CSMD1: variants seen among roughly 807,000 people sequenced by gnomAD.
The protein encoded by CSMD1 is CUB and Sushi multiple domains 1.
A neutral mutation model predicts 417.5 loss-of-function variants in CSMD1; 213 were observed. The ratio of observed to expected loss-of-function variants is 0.51; its 90% CI spans 0.46 to 0.57. CSMD1 has a LOEUF of 0.57. Ranked by LOEUF, CSMD1 falls within the 20% of genes least tolerant of loss-of-function variation. The pLI, the probability that CSMD1 is intolerant of heterozygous loss-of-function variation, is 0.00. For missense variants in CSMD1, 6,923 were observed against 4,529.7 expected (o/e 1.53, Z -15.17); for synonymous variants, 2,862 against 1,736.8 (o/e 1.65, Z -16.11).
intron 1 of CSMD1, among the ~76,000 whole-genome samples, chr8:4,755,974 C>T (rs981276795): frequency 5.3e-5 from 8 of 152,154 alleles, no homozygotes; most frequent in African/African-American, 1.7e-4. Context: ...CAAAATCAAA[C>T]TATATGATGA....
intron 26 of CSMD1, among the ~76,000 whole-genome samples, chr8:3,260,335 G>A (rs1800962930): frequency 6.6e-6 from 1 of 152,090 alleles, no homozygotes; most frequent in Non-Finnish European, 1.5e-5. Context: ...CAGGATCAAT[G>A]GGAACCAGCA....
chr8:3,486,030 C>T (rs1364831426), intron 11 of CSMD1, among the ~76,000 whole-genome samples: 1 of 152,064 alleles, frequency 6.6e-6, no homozygotes, highest in African/African-American at 2.4e-5. Context: ...TCGAGTTCTC[C>T]TTGTCTTCAC....
chr8:4,048,063 A>C (rs1003875769), intron 3 of CSMD1, among the ~76,000 whole-genome samples: 1 of 152,120 alleles, frequency 6.6e-6, no homozygotes, highest in Admixed American at 6.6e-5. Flanking sequence ...TTCTTTTCCA[A>C]ATATTTTGTG....
At chr8:4,044,082 G>C (rs949217478) in intron 3 of CSMD1, among the ~76,000 whole-genome samples, 5 of 151,984 alleles carry the variant, frequency 3.3e-5, no homozygotes, top group African/African-American at 1.2e-4. Flanking sequence ...CTTGCCCATT[G>C]CTTGTCTCTG....
intron 52 of CSMD1, among the ~76,000 whole-genome samples, chr8:3,002,933 G>A (rs765484587): frequency 1.3e-5 from 2 of 152,088 alleles, no homozygotes; most frequent in African/African-American, 4.8e-5. Context: ...TTACCTCCTT[G>A]CCTGAAGAAA....
intron 5 of CSMD1, among the ~76,000 whole-genome samples, chr8:3,787,885 T>C (rs1799535130): frequency 6.6e-6 from 1 of 151,980 alleles, no homozygotes; most frequent in East Asian, 1.9e-4. Flanking sequence ...TATGAGAGAG[T>C]GTTACTCTAT....
At chr8:4,322,609 G>A (rs564950994) in intron 3 of CSMD1, among the ~76,000 whole-genome samples, 2 of 152,190 alleles carry the variant, frequency 1.3e-5, no homozygotes, top group Non-Finnish European at 2.9e-5. Context: ...TGTTGTAGAA[G>A]CAGAAAAATG....
rs1233922171 is a variant in CSMD1, at chr8:3,957,736, G to A, written c.818+40167C>T. Among the ~76,000 whole-genome samples, 7 of 149,054 alleles carry A rather than the reference G, an allele frequency of 4.7e-5. No homozygotes were observed. The East Asian group carries it at 1.0e-3, about 21-fold the overall frequency. On this transcript the variant is annotated intron_variant, in intron 5 of 69. Coordinates refer to ENST00000635120, the MANE Select transcript of CSMD1 (RefSeq NM_033225.6). ...AGAGAAAAGAAAAAGGAAAAGAAAT[G>A]TAGAAAAGAAAAAAGAAAAGTATGA...
intron 3 of CSMD1, among the ~76,000 whole-genome samples, chr8:4,137,934 G>C (rs962828574): frequency 6.6e-6 from 1 of 151,504 alleles, no homozygotes; most frequent in Non-Finnish European, 1.5e-5. Flanking sequence ...TTGGAGTGCA[G>C]TGGCGCAATC....
chr8:4,413,816 G>C (rs756879358), intron 3 of CSMD1, among the ~76,000 whole-genome samples: 7 of 152,238 alleles, frequency 4.6e-5, no homozygotes, highest in African/African-American at 9.6e-5. Context: ...AGATAACTAA[G>C]GTGAGGACCC....
At chr8:4,453,197 CCACACAGACACACACAGAGACA>C (rs1185989575) in intron 2 of CSMD1, among the ~76,000 whole-genome samples, 3 of 133,796 alleles carry the variant, frequency 2.2e-5, no homozygotes, top group African/African-American at 8.6e-5. Flanking sequence ...ACAGACACAC[CCACACAGACACACACAGAGACA>C]CACACACACA....
At chr8:3,719,992 A>C (rs908174357) in intron 6 of CSMD1, among the ~76,000 whole-genome samples, 4 of 152,238 alleles carry the variant, frequency 2.6e-5, no homozygotes, top group Non-Finnish European at 4.4e-5. Context: ...GGTGAAGATT[A>C]CATGACATGG....
chr8:4,822,147 A>C (rs1430114103), intron 1 of CSMD1, among the ~76,000 whole-genome samples: 2 of 151,972 alleles, frequency 1.3e-5, no homozygotes, highest in Non-Finnish European at 2.9e-5. Context: ...TAAATGTTAT[A>C]AGCCTCTGAA....
intron 12 of CSMD1, among the ~76,000 whole-genome samples, chr8:3,451,188 T>G (rs1363119580): frequency 6.6e-6 from 1 of 152,246 alleles, no homozygotes; most frequent in African/African-American, 2.4e-5. Flanking sequence ...TAAATTTGTT[T>G]GAGTTCATTG....
intron 3 of CSMD1, among the ~76,000 whole-genome samples, chr8:4,226,391 C>T (rs559526987): frequency 5.3e-5 from 8 of 152,254 alleles, no homozygotes; most frequent in African/African-American, 1.7e-4. Context: ...ACAACCCTCT[C>T]TGAAAAGATG....
At chr8:3,146,459 G>T (rs1277294927) in intron 40 of CSMD1, among the ~76,000 whole-genome samples, 1 of 151,930 alleles carries the variant, frequency 6.6e-6, no homozygotes, top group Non-Finnish European at 1.5e-5. Flanking sequence ...CTTCAAAATA[G>T]CCCTATGGGA....
chr8:3,794,211 T>C (rs555368833), intron 5 of CSMD1, among the ~76,000 whole-genome samples: 2 of 152,032 alleles, frequency 1.3e-5, no homozygotes, highest in East Asian at 3.9e-4. Flanking sequence ...AGGGGAGGGG[T>C]TTCCTTCTTG....
chr8:4,185,042 G>T (rs1278304412), intron 3 of CSMD1, among the ~76,000 whole-genome samples: 3 of 151,014 alleles, frequency 2.0e-5, no homozygotes, highest in Non-Finnish European at 4.4e-5. Flanking sequence ...GGGAGGCTGA[G>T]GCAGGAGAAT....
intron 42 of CSMD1, among the ~76,000 whole-genome samples, chr8:3,117,261 C>T (rs546236494): frequency 7.2e-5 from 11 of 152,100 alleles, no homozygotes; most frequent in African/African-American, 2.4e-4. Flanking sequence ...TTAGTAGAGA[C>T]GGTGTTTCAC....
Sources: allele counts gnomAD v4.1 joint callset (sites outside exome capture counted in the v4.1 genomes callset), GRCh38; gene constraint gnomAD v4.1.1; transcripts MANE v1.5; gene names NCBI Gene and HGNC (gene_info 2026-07-23, HGNC 2026-07-21).